Variants in PCDH15 observed in about 807,000 individuals in gnomAD.
The protein encoded by PCDH15 is protocadherin related 15, also known as protocadherin-15.
Under a neutral mutation model 178.5 loss-of-function variants are expected in PCDH15, and 129 were observed. The observed-to-expected ratio is 0.72, with a 90% CI of 0.63 to 0.84. The LOEUF is 0.84. PCDH15 is among the 40% of genes least tolerant of loss of function. The pLI is 0.00. For synonymous variants in PCDH15, 800 were observed against 732.0 expected (o/e 1.09, Z -1.50); for missense variants, 2,230 against 2,099.9 (o/e 1.06, Z -1.21).
At chr10:54,381,824 T>C (rs1307297872) in intron 3 of PCDH15, among the ~76,000 whole-genome samples, 1 of 152,122 alleles carries the variant, frequency 6.6e-6, no homozygotes, top group African/African-American at 2.4e-5. Flanking sequence ...TTTAGTTTGA[T>C]ACTCATATAA....
chr10:55,044,091 C>T (rs1299645403), intron 2 of PCDH15, among the ~76,000 whole-genome samples: 1 of 152,098 alleles, frequency 6.6e-6, no homozygotes, highest in East Asian at 1.9e-4. Flanking sequence ...ACTTCAACAC[C>T]TGTATAGTGA....
At chr10:54,296,889 T>G (rs1482893687) in intron 8 of PCDH15, among the ~76,000 whole-genome samples, 1 of 151,160 alleles carries the variant, frequency 6.6e-6, no homozygotes, top group Admixed American at 6.6e-5. Context: ...TTATAGGGCA[T>G]GGATAAAGTC....
chr10:53,879,606 G>T (rs1158688179), intron 26 of PCDH15, among the ~76,000 whole-genome samples: 4 of 152,072 alleles, frequency 2.6e-5, no homozygotes, highest in Non-Finnish European at 2.9e-5. Context: ...GGCATTTTTG[G>T]TAAAAATTAA....
intron 9 of PCDH15, among the ~76,000 whole-genome samples, chr10:54,227,017 G>C (rs2053532185): frequency 6.6e-6 from 1 of 152,156 alleles, no homozygotes. Flanking sequence ...TGCTTTCATG[G>C]GCTGGGGTCG....
intron 9 of PCDH15, among the ~76,000 whole-genome samples, chr10:54,234,111 CAG>C (rs1189609927): frequency 2.0e-5 from 3 of 147,924 alleles, no homozygotes; most frequent in African/African-American, 5.0e-5. Context: ...TACGTGAAGT[CAG>C]AGTCATGGAT....
intron 1 of PCDH15, among the ~76,000 whole-genome samples, chr10:55,244,010 A>C (rs1237655236): frequency 6.6e-6 from 1 of 152,040 alleles, no homozygotes; most frequent in Non-Finnish European, 1.5e-5. Context: ...ATATTATATA[A>C]AATCATAATA....
At chr10:54,203,006 T>TTTAGCCCTATTGGTTAGGGCTATTGG (rs2050411922) in intron 10 of PCDH15, among the ~76,000 whole-genome samples, 1 of 152,098 alleles carries the variant, frequency 6.6e-6, no homozygotes, top group Non-Finnish European at 1.5e-5. Flanking sequence ...AATCTTTCTT[T>TTTAGCCCTATTGGTTAGGGCTATTGG]TTAGCCCTAT....
intron 3 of PCDH15, 36 bp from the exon 4 acceptor site, chr10:54,378,978 T>A (rs1277215999): frequency 6.2e-7 from 1 of 1,609,612 alleles, no homozygotes; most frequent in Non-Finnish European, 8.5e-7. Context: ...AAACATATTC[T>A]ACTCATATGA....
intron 2 of PCDH15, among the ~76,000 whole-genome samples, chr10:55,092,495 T>C (rs1321662801): frequency 6.6e-6 from 1 of 151,908 alleles, no homozygotes; most frequent in Non-Finnish European, 1.5e-5. Context: ...GCATGAAATA[T>C]ATGTCATATT....
chr10:55,226,980 T>C (rs899915846), intron 1 of PCDH15, among the ~76,000 whole-genome samples: 1 of 151,858 alleles, frequency 6.6e-6, no homozygotes, highest in Non-Finnish European at 1.5e-5. Flanking sequence ...AACAAAAAAA[T>C]TAGAAAAATT....
intron 2 of PCDH15, among the ~76,000 whole-genome samples, chr10:55,621,959 T>G (rs1475809807): frequency 2.0e-5 from 3 of 146,548 alleles, no homozygotes; most frequent in African/African-American, 7.5e-5. Context: ...CATTCATAGT[T>G]AAATATAAAT....
chr10:54,092,736 A>C (rs931163369), intron 15 of PCDH15, among the ~76,000 whole-genome samples: 15 of 152,146 alleles, frequency 9.9e-5, no homozygotes, highest in African/African-American at 3.6e-4. Context: ...TACTCAGCTA[A>C]CATTTTGAAG....
At chr10:55,045,433 T>C (rs1564744765) in intron 2 of PCDH15, among the ~76,000 whole-genome samples, 1 of 152,096 alleles carries the variant, frequency 6.6e-6, no homozygotes, top group Non-Finnish European at 1.5e-5. Context: ...AGTACTATAA[T>C]AAAGCGTGAA....
At chr10:54,062,102 G>A (rs921180434) in intron 18 of PCDH15, among the ~76,000 whole-genome samples, 3 of 151,488 alleles carry the variant, frequency 2.0e-5, no homozygotes, top group African/African-American at 7.3e-5. Context: ...GAGGTTGCCT[G>A]TAATCCCAGC....
At position 54,678,177 on chromosome 10, in the gene PCDH15, TA is replaced by T. The variant is rs1193852057; in HGVS notation, c.-28-13888del. 3.9e-5 allele frequency among the ~76,000 whole-genome samples: 6 copies of T among 152,314 alleles called. No individual in the cohort carries two copies. The East Asian group carries it at 1.2e-3, about 29-fold the overall frequency. The stretch of plus-strand genomic sequence containing the variant: ...ATATATGTATATACACACACACATA[TA>T]TTTATATATGCACAAAGGGTTTCTT... On this transcript the variant is annotated intron_variant, in intron 1 of 37. Coordinates refer to ENST00000644397, the MANE Select transcript of PCDH15 (RefSeq NM_001384140.1).
intron 2 of PCDH15, among the ~76,000 whole-genome samples, chr10:55,059,864 C>T (rs1003014270): frequency 6.0e-5 from 9 of 151,110 alleles, no homozygotes; most frequent in Non-Finnish European, 8.8e-5. Flanking sequence ...ATATTGCATG[C>T]GATTTTAAAA....
chr10:54,753,022 A>G (rs1946557017), intron 1 of PCDH15, among the ~76,000 whole-genome samples: 2 of 152,208 alleles, frequency 1.3e-5, no homozygotes, highest in African/African-American at 4.8e-5. Context: ...TGAATTCAGC[A>G]CCATATACTG....
chr10:54,385,644 G>T (rs1304550306), intron 3 of PCDH15, among the ~76,000 whole-genome samples: 1 of 152,136 alleles, frequency 6.6e-6, no homozygotes, highest in Admixed American at 6.6e-5. Flanking sequence ...CATTTGAGAG[G>T]TTAATCCAGC....
At chr10:54,729,366 A>G (rs920057992) in intron 1 of PCDH15, among the ~76,000 whole-genome samples, 1 of 151,704 alleles carries the variant, frequency 6.6e-6, no homozygotes, top group Non-Finnish European at 1.5e-5. Context: ...GGCTAGCCCT[A>G]TGCAGAAGAC....
Sources: gnomAD v4.1 joint callset for allele counts (sites outside exome capture counted in the v4.1 genomes callset) on GRCh38, gnomAD v4.1.1 for gene constraint, MANE v1.5 for transcripts, NCBI Gene and HGNC (gene_info 2026-07-23, HGNC 2026-07-21) for gene names.